The following PIR variants were observed in gnomAD, a reference collection of about 807,000 sequenced individuals.
PIR encodes the protein pirin (iron-binding nuclear protein).
PIR carries 22 observed loss-of-function variants against 24.2 expected under a neutral mutation model. That is an observed-to-expected ratio of 0.91 (90% CI 0.65 to 1.30). The LOEUF (loss-of-function observed/expected upper bound fraction) is 1.30. Ranked by LOEUF, PIR falls within the 50% of genes most tolerant of loss-of-function variation. PIR has a pLI of 0.00. For missense variants in PIR, 220 were observed against 220.3 expected, an observed-to-expected ratio of 1.00 and a Z score of 0.01; for synonymous variants, 80 against 79.6, an observed-to-expected ratio of 1.00 and a Z score of -0.03.
intron 2 of PIR, 69 bp downstream of exon 2, chrX:15,491,093 A>T (rs1481256840): frequency 1.3e-6 from 1 of 765,023 alleles, no homozygotes; most frequent in Non-Finnish European, 2.0e-6. Context: ...CCTCTTCCCA[A>T]AATCACCATC....
intron 5 of PIR, among the ~76,000 whole-genome samples, chrX:15,453,170 C>T (rs1417311765): frequency 8.9e-6 from 1 of 111,864 alleles, no homozygotes; most frequent in African/African-American, 3.3e-5. Context: ...ATGACTCTTA[C>T]TGGTGTCCTT....
chrX:15,425,411 C>CTTTCTTTT (rs1392469679), intron 6 of PIR, among the ~76,000 whole-genome samples: 1 of 92,113 alleles, frequency 1.1e-5, no homozygotes, highest in African/African-American at 4.2e-5. Context: ...TTCTTTCTTT[C>CTTTCTTTT]TTTTTTTTTT....
chrX:15,409,255 T>C (rs112600306), intron 6 of PIR, among the ~76,000 whole-genome samples: 6,574 of 63,185 alleles, frequency 0.1, 694 homozygotes, highest in African/African-American at 0.34. Context: ...CCCGCCACCA[T>C]GCCCAGCTAA....
chrX:15,426,326 A>G (rs1409179266), intron 5 of PIR, among the ~76,000 whole-genome samples: 1 of 112,063 alleles, frequency 8.9e-6, no homozygotes, highest in Non-Finnish European at 1.9e-5. Flanking sequence ...TTGATATGGC[A>G]GGTTATCTCA....
intron 6 of PIR, among the ~76,000 whole-genome samples, chrX:15,410,710 G>A (rs1231368996): frequency 1.8e-5 from 2 of 111,943 alleles, no homozygotes; most frequent in Non-Finnish European, 3.8e-5. Context: ...TTTACTCCTT[G>A]TAAAAGTCTT....
intron 7 of PIR, among the ~76,000 whole-genome samples, chrX:15,403,343 T>C (rs1924451586): frequency 8.9e-6 from 1 of 112,282 alleles, no homozygotes; most frequent in South Asian, 3.6e-4. Context: ...CACAAACAAA[T>C]GTTTTTAGAT....
At chrX:15,434,601 A>C (rs1925686883) in intron 5 of PIR, among the ~76,000 whole-genome samples, 1 of 110,756 alleles carries the variant, frequency 9.0e-6, no homozygotes, top group African/African-American at 3.3e-5. Flanking sequence ...GACAGTGGAG[A>C]TGAAATGTGC....
intron 9 of PIR, among the ~76,000 whole-genome samples, chrX:15,388,518 G>A (rs1350082826): frequency 8.9e-6 from 1 of 112,261 alleles, no homozygotes; most frequent in Non-Finnish European, 1.9e-5. Flanking sequence ...TTGTTTTGAA[G>A]GTTAGACGGA....
chrX:15,441,549 C>T (rs1001554871), intron 5 of PIR, among the ~76,000 whole-genome samples: 1 of 110,666 alleles, frequency 9.0e-6, no homozygotes, highest in African/African-American at 3.3e-5. Flanking sequence ...GCTAAGCGTC[C>T]GACTCTAATA....
At chrX:15,450,019 GTTTCTTT>G (rs778543127) in intron 5 of PIR, among the ~76,000 whole-genome samples, 12 of 111,589 alleles carry the variant, frequency 1.1e-4, no homozygotes, top group African/African-American at 3.9e-4. Flanking sequence ...TTTAAGACTT[GTTTCTTT>G]TTTCTTTTCT....
At chrX:15,479,335 GT>G (rs1415800874) in intron 3 of PIR, among the ~76,000 whole-genome samples, 6 of 107,899 alleles carry the variant, frequency 5.6e-5, no homozygotes, top group Non-Finnish European at 1.2e-4. Flanking sequence ...ATAGAAACAG[GT>G]TTTTTTCTTT....
Position 15,416,900 on chromosome X carries a change from C to G in PIR, c.565+9006G>C, listed in dbSNP as rs1273849145. On this transcript the variant is annotated intron_variant, in intron 6 of 9. Transcript: ENST00000380420. ...TGGAAGCACATCCTTCCCAGTCAAGCCTTGAGATGACCACAGTCCCAGATG... is the reference window on the plus strand; with the variant it reads ...TGGAAGCACATCCTTCCCAGTCAAGGCTTGAGATGACCACAGTCCCAGATG... 2.7e-5 allele frequency among the ~76,000 whole-genome samples: 3 copies of G among 111,644 alleles called. No homozygotes were observed. The Admixed American group carries it at 2.9e-4, about 11-fold the overall frequency.
intron 5 of PIR, among the ~76,000 whole-genome samples, chrX:15,444,349 C>T (rs192065894): frequency 2.5e-3 from 286 of 112,342 alleles, no homozygotes; most frequent in African/African-American, 7.9e-3. Context: ...TAAATTAAGG[C>T]ATGTACTTTT....
chrX:15,480,143 G>GT (rs1400135221), intron 2 of PIR, among the ~76,000 whole-genome samples: 2 of 96,555 alleles, frequency 2.1e-5, no homozygotes, highest in Non-Finnish European at 4.1e-5. Flanking sequence ...AGATCTGATG[G>GT]TTTTAAAAAT....
chrX:15,420,307 CAG>C (rs1458009634), intron 6 of PIR, among the ~76,000 whole-genome samples: 3 of 51,405 alleles, frequency 5.8e-5, no homozygotes, highest in Admixed American at 1.7e-4. Flanking sequence ...TGGAAACTGA[CAG>C]ATATACGTTC....
intron 2 of PIR, among the ~76,000 whole-genome samples, chrX:15,489,942 A>G (rs1432630146): frequency 1.8e-5 from 2 of 112,048 alleles, no homozygotes; most frequent in East Asian, 5.6e-4. Context: ...GGAAGGAGAG[A>G]TGTTGGTCAA....
At chrX:15,477,189 G>A (rs764901775) in intron 3 of PIR, among the ~76,000 whole-genome samples, 6 of 111,405 alleles carry the variant, frequency 5.4e-5, no homozygotes, top group Non-Finnish European at 7.5e-5. Context: ...GTACAAGTGG[G>A]GCTGGCTTTA....
chrX:15,400,810 A>T (rs1187694190), intron 7 of PIR, among the ~76,000 whole-genome samples: 1 of 107,822 alleles, frequency 9.3e-6, no homozygotes, highest in African/African-American at 3.4e-5. Flanking sequence ...GCAGTGGCGC[A>T]ATCTCAGCTC....
intron 3 of PIR, among the ~76,000 whole-genome samples, chrX:15,472,641 T>A (rs932404521): frequency 1.3e-4 from 14 of 111,850 alleles, no homozygotes; most frequent in Non-Finnish European, 2.6e-4. Context: ...AGACAGAAAG[T>A]GTGGTTCCTA....
Sources: allele counts gnomAD v4.1 joint callset (sites outside exome capture counted in the v4.1 genomes callset), GRCh38; gene constraint gnomAD v4.1.1; transcripts MANE v1.5; gene names NCBI Gene and HGNC (gene_info 2026-07-23, HGNC 2026-07-21).